The following KCTD3 variants were observed in gnomAD, a reference collection of about 807,000 sequenced individuals.
The protein encoded by KCTD3 is potassium channel tetramerization domain containing 3.
In KCTD3, 41 loss-of-function variants were observed where a neutral mutation model predicts 85.8. The observed-to-expected ratio is 0.48, with a 90% CI of 0.37 to 0.62. The LOEUF is 0.62. Among genes scored for constraint, KCTD3 ranks in the 20% least tolerant of loss-of-function variants. The pLI, the probability that KCTD3 is intolerant of heterozygous loss-of-function variation, is 0.00. For missense variants in KCTD3, 724 were observed against 989.9 expected (o/e 0.73, Z 3.60); for synonymous variants, 338 against 345.4 (o/e 0.98, Z 0.24).
chr1:215,588,442 AT>A (rs150561943), intron 9 of KCTD3, among the ~76,000 whole-genome samples: 10,955 of 151,708 alleles, frequency 0.072, 568 homozygotes, highest in Non-Finnish European at 0.1. Context: ...TAAATCTTTG[AT>A]TTGGCCTTTT....
chr1:215,575,251 CA>C (rs1262716417), intron 3 of KCTD3, among the ~76,000 whole-genome samples: 3 of 151,944 alleles, frequency 2.0e-5, no homozygotes, highest in Non-Finnish European at 4.4e-5. Context: ...GATGCTGTCT[CA>C]AAACAAACAA....
At position 215,571,776 on chromosome 1, in the gene KCTD3, T is replaced by C. The variant is rs551524564; in HGVS notation, c.84-2010T>C. On this transcript the variant is annotated intron_variant, in intron 1 of 17. Transcript: ENST00000259154. Reference sequence around the variant, plus strand: ...CTCCTGAGTAAGCTGGGACTACAGGTGCCCGCCACCACGCCTGGCTAATTT... The same window carrying C: ...CTCCTGAGTAAGCTGGGACTACAGGCGCCCGCCACCACGCCTGGCTAATTT... Among the ~76,000 whole-genome samples the C allele has an allele frequency of 3.3e-5, 5 of 151,900 alleles. No homozygotes were observed. In the South Asian group the frequency reaches 1.0e-3, roughly 32 times the overall value.
rs143747914 is a variant in KCTD3 at position 215,619,253 on chromosome 1, C to T, written c.1848C>T (p.Ser616=). The part of the protein sequence containing the change: ...CATPNISPAT[S]VVQHSHLRES... ...CTCCTAACATCAGTCCAGCAACTTC[C>T]GTAGTTCAGCATAGCCACTTACGAG... Residue 616 remains serine (S), a synonymous_variant, in exon 17 of 18, where the codon TCC becomes TCT. Coordinates refer to ENST00000259154, the MANE Select transcript of KCTD3 (RefSeq NM_016121.5). The T allele has an allele frequency of 2.5e-5, 41 of 1,613,824 alleles. No individual in the cohort carries two copies. Among genetic ancestry groups the T allele is most frequent in the Middle Eastern group, 1.6e-4 (1 of 6,062 alleles).
At chr1:215,594,217 C>T (rs1458089777) in intron 9 of KCTD3, among the ~76,000 whole-genome samples, 1 of 152,056 alleles carries the variant, frequency 6.6e-6, no homozygotes, top group East Asian at 1.9e-4. Context: ...GACCCTATTT[C>T]GTAGTTGAGA....
chr1:215,577,752 T>C (rs1659645933), intron 5 of KCTD3, 24 bp downstream of exon 5: 1 of 1,534,528 alleles, frequency 6.5e-7, no homozygotes, highest in Non-Finnish European at 9.0e-7. Flanking sequence ...TAATATTTGG[T>C]GTTTATGATT....
intron 15 of KCTD3, among the ~76,000 whole-genome samples, chr1:215,612,212 T>C (rs1004856630): frequency 6.6e-6 from 1 of 152,200 alleles, no homozygotes; most frequent in Admixed American, 6.5e-5. Context: ...AATTTTGTTA[T>C]TATAAACAGT....
At chr1:215,579,744 C>T (rs554120262) in intron 7 of KCTD3, among the ~76,000 whole-genome samples, 165 bp from the exon 8 acceptor site, 57 of 152,204 alleles carry the variant, frequency 3.7e-4, no homozygotes, top group African/African-American at 1.2e-3. Context: ...ATGATCCGCC[C>T]GCCTCGGCCT....
chr1:215,580,900 T>A (rs1558231102), intron 8 of KCTD3: 1 of 443,464 alleles, frequency 2.3e-6, no homozygotes, highest in Non-Finnish European at 4.6e-6. Flanking sequence ...TGGTAAGTGC[T>A]GTTTATATCA....
chr1:215,579,027 C>G lies in KCTD3; in HGVS notation c.425C>G (p.Thr142Arg), dbSNP rs746316704. 1.9e-6 allele frequency: 3 copies of G among 1,565,294 alleles called. No individual in the cohort carries two copies. Among genetic ancestry groups the G allele is most frequent in the East Asian group, 4.8e-5 (2 of 41,932 alleles). Residue 142 changes from threonine (T) to arginine (R), a missense_variant, in exon 7 of 18, where the codon ACA becomes AGA. Physicochemically the swap from Thr to Arg is moderately conservative, Grantham distance 71. Around this residue, in one of 6 missense-constraint regions of KCTD3, gnomAD observed 106 missense variants for 98.2 expected, o/e 1.08. Transcript: ENST00000259154. The stretch of plus-strand genomic sequence containing the variant: ...ATTCCTAGTCGTAAAATAAACAACA[C>G]AGTCAGATCTGCTGATTCTAGGAAT... ...PGIPSRKINN[T>R]VRSADSRNGL...
chr1:215,613,089 A>T (rs1015987718), intron 15 of KCTD3, among the ~76,000 whole-genome samples: 2 of 152,186 alleles, frequency 1.3e-5, no homozygotes, highest in African/African-American at 4.8e-5. Context: ...ACTATGGCAC[A>T]TGTGTAACAG....
In KCTD3 at chr1:215,586,596, A is replaced by G. The variant is rs778360428; in HGVS notation, c.728A>G (p.His243Arg). The G allele has an allele frequency of 4.3e-6, 7 of 1,614,164 alleles. No homozygotes were observed. The highest frequency in any genetic ancestry group is 5.9e-6 in the Non-Finnish European group (7 of 1,180,018). Reference sequence around the variant, plus strand: ...AATGCAAAGGTGGTTGGAGGGCCACATGGAGACAAAGACAAAATGGTTGCT... The same window carrying G: ...AATGCAAAGGTGGTTGGAGGGCCACGTGGAGACAAAGACAAAATGGTTGCT... ...ALNAKVVGGP[H>R]GDKDKMVAVA... Residue 243 changes from histidine to arginine, a missense_variant, in exon 9 of 18, where the codon CAT becomes CGT. Around this residue, in one of 6 missense-constraint regions of KCTD3, gnomAD observed 146 missense variants for 320.3 expected, o/e 0.46. Transcript: ENST00000259154.
chr1:215,600,972 C>T (rs904670562), intron 10 of KCTD3, among the ~76,000 whole-genome samples: 2 of 151,220 alleles, frequency 1.3e-5, no homozygotes, highest in Non-Finnish European at 2.9e-5. Context: ...AAGTCTCACT[C>T]TGTTGCCCAG....
chr1:215,596,326 T>C (rs534412025), intron 10 of KCTD3, among the ~76,000 whole-genome samples: 132 of 152,182 alleles, frequency 8.7e-4, no homozygotes, highest in African/African-American at 3.0e-3. Context: ...GTTGTTCAAG[T>C]GTAGATGTTA....
chr1:215,572,044 G>A (rs1372314013), intron 1 of KCTD3, among the ~76,000 whole-genome samples: 2 of 152,202 alleles, frequency 1.3e-5, no homozygotes, highest in Non-Finnish European at 2.9e-5. Context: ...TGCTGTTACT[G>A]ACACTGAGAC....
chr1:215,601,037 G>A (rs776352669), intron 10 of KCTD3, among the ~76,000 whole-genome samples: 3 of 151,614 alleles, frequency 2.0e-5, no homozygotes, highest in South Asian at 2.1e-4. Flanking sequence ...TCCCAGGTTC[G>A]AGCAATTCTC....
intron 4 of KCTD3, 80 bp downstream of exon 4, chr1:215,576,054 T>A: frequency 1.2e-6 from 1 of 826,508 alleles, no homozygotes; most frequent in Non-Finnish European, 1.9e-6. Context: ...TAAAAGGTTT[T>A]TTTTGTTTGT....
intron 3 of KCTD3, 112 bp downstream of exon 3, chr1:215,574,230 A>G: frequency 1.7e-6 from 1 of 601,520 alleles, no homozygotes. Flanking sequence ...TAATCACTGA[A>G]TGAAAGTGGC....
chr1:215,589,649 G>T (rs1660141139), intron 9 of KCTD3, among the ~76,000 whole-genome samples: 1 of 152,126 alleles, frequency 6.6e-6, no homozygotes, highest in Admixed American at 6.6e-5. Flanking sequence ...TGTCACCATA[G>T]ATTAGGTTTC....
intron 14 of KCTD3, among the ~76,000 whole-genome samples, chr1:215,610,518 G>A (rs1038186559): frequency 6.6e-6 from 1 of 151,904 alleles, no homozygotes; most frequent in African/African-American, 2.4e-5. Context: ...CAAAGGGAGA[G>A]AAGATACAGT....
Sources: allele counts gnomAD v4.1 joint callset (sites outside exome capture counted in the v4.1 genomes callset), GRCh38; gene constraint gnomAD v4.1.1; regional missense constraint gnomAD v4.1.1; transcripts MANE v1.5; gene names NCBI Gene and HGNC (gene_info 2026-07-23, HGNC 2026-07-21).